Variants in SH3BGRL2 observed in about 807,000 individuals in gnomAD.
The protein encoded by SH3BGRL2 is SH3 domain binding glutamate rich protein like 2.
A neutral mutation model predicts 14.8 loss-of-function variants in SH3BGRL2; 21 were observed. The ratio of observed to expected loss-of-function variants is 1.42; its 90% CI spans 1.01 to 2.05. The LOEUF is 2.05. Among genes scored for constraint, SH3BGRL2 ranks in the 30% most tolerant of loss-of-function variants. The pLI is 0.00. For missense variants in SH3BGRL2, 147 were observed against 130.8 expected (o/e 1.12, Z -0.61); for synonymous variants, 50 against 47.8 (o/e 1.05, Z -0.19).
chr6:79,568,918 G>A, the SH3BGRL2 span, among the ~76,000 whole-genome samples: 3 of 152,054 alleles, frequency 2.0e-5, no homozygotes, highest in Non-Finnish European at 4.4e-5. Context: ...TGCATAATAT[G>A]TGTCAATGGA....
chr6:79,620,636 C>G, the SH3BGRL2 span, among the ~76,000 whole-genome samples: 7 of 150,082 alleles, frequency 4.7e-5, no homozygotes, highest in Non-Finnish European at 7.4e-5. Flanking sequence ...AAGGGGTCCT[C>G]AGAGAGAAAA....
At chr6:79,696,288 C>T (rs1020775118) in intron 2 of SH3BGRL2, among the ~76,000 whole-genome samples, 197 bp from the exon 3 acceptor site, 1 of 152,184 alleles carries the variant, frequency 6.6e-6, no homozygotes, top group African/African-American at 2.4e-5. Flanking sequence ...GGGTTAAAAA[C>T]TTGTTACATT....
intron 1 of SH3BGRL2, among the ~76,000 whole-genome samples, chr6:79,637,462 G>A (rs1768947697): frequency 6.6e-6 from 1 of 152,064 alleles, no homozygotes; most frequent in South Asian, 2.1e-4. Flanking sequence ...GGAGGCTGAG[G>A]CAGGTGGATC....
chr6:79,637,526 C>T (rs1161418775), intron 1 of SH3BGRL2, among the ~76,000 whole-genome samples: 1 of 151,948 alleles, frequency 6.6e-6, no homozygotes. Flanking sequence ...AACCCCATCT[C>T]TACTAAAAAT....
chr6:79,594,542 C>T, the SH3BGRL2 span, among the ~76,000 whole-genome samples: 6 of 151,960 alleles, frequency 3.9e-5, no homozygotes, highest in Non-Finnish European at 8.8e-5. Context: ...TCTGCTTGGG[C>T]GTGGGTGTCA....
the SH3BGRL2 span, among the ~76,000 whole-genome samples, chr6:79,554,579 T>C: frequency 6.6e-6 from 1 of 152,324 alleles, no homozygotes; most frequent in South Asian, 2.1e-4. Context: ...ATCCAGTCAA[T>C]TGGAATGTAA....
At chr6:79,621,794 C>T in the SH3BGRL2 span, among the ~76,000 whole-genome samples, 2 of 152,120 alleles carry the variant, frequency 1.3e-5, no homozygotes, top group African/African-American at 4.8e-5. Context: ...TGCAGATGGC[C>T]ATGTGACCCA....
At chr6:79,696,941 T>G (rs914469075) in intron 3 of SH3BGRL2, among the ~76,000 whole-genome samples, 2 of 152,148 alleles carry the variant, frequency 1.3e-5, no homozygotes, top group Non-Finnish European at 2.9e-5. Context: ...TTAAATTTAC[T>G]TTCATTGGAG....
Position 79,703,157 on chromosome 6 carries a change from T to C in SH3BGRL2, c.*3648T>C, listed in dbSNP as rs996659151. ...CAGGTTTGTTTGTTCATCCTTTCTG[T>C]CAGCATGGATCAAGCCCCTAAAATG... On this transcript the variant is annotated 3_prime_UTR_variant, in exon 4 of 4. Transcript: ENST00000369838. The C allele has an allele frequency of 6.6e-6, 1 of 152,144 alleles. No homozygotes were observed. Among genetic ancestry groups the C allele is most frequent in the African/African-American group, 2.4e-5 (1 of 41,414 alleles). 9.4% of individuals were successfully genotyped at this position (152,144 alleles called of 1,614,324 possible).
At position 79,675,322 on chromosome 6, in the gene SH3BGRL2, G is replaced by A. The variant is rs182208308; in HGVS notation, c.231+1523G>A. Among the ~76,000 whole-genome samples the A allele has an allele frequency of 2.3e-3, 351 of 152,252 alleles. 1 individual carries two copies. Among genetic ancestry groups the A allele is most frequent in the African/African-American group, 8.1e-3 (338 of 41,558 alleles). ...AGTGTCCTCTGGTTTTCGCTGCTAC[G>A]ATTGAGATGTCTAATGCCATTTTCC... is the stretch of plus-strand genomic sequence containing the variant. On this transcript the variant is annotated intron_variant, in intron 2 of 3. Coordinates refer to ENST00000369838, the MANE Select transcript of SH3BGRL2 (RefSeq NM_031469.4).
the SH3BGRL2 span, among the ~76,000 whole-genome samples, chr6:79,583,600 AGCGGGGAACATCACACACCAGG>A: frequency 5.9e-5 from 9 of 152,170 alleles, no homozygotes; most frequent in African/African-American, 2.2e-4. Context: ...TTGGACACAG[AGCGGGGAACATCACACACCAGG>A]GCCTGTAAGG....
chr6:79,585,866 T>C, the SH3BGRL2 span, among the ~76,000 whole-genome samples: 1 of 152,184 alleles, frequency 6.6e-6, no homozygotes, highest in South Asian at 2.1e-4. Flanking sequence ...CAGCTCTGAA[T>C]GCAGCCCAAC....
the SH3BGRL2 span, among the ~76,000 whole-genome samples, chr6:79,610,069 G>C: frequency 6.6e-6 from 1 of 152,118 alleles, no homozygotes; most frequent in Non-Finnish European, 1.5e-5. Flanking sequence ...GTTTACATTC[G>C]CTCCTTCAAA....
chr6:79,668,188 C>T (rs929364308), intron 1 of SH3BGRL2, among the ~76,000 whole-genome samples: 3 of 151,954 alleles, frequency 2.0e-5, no homozygotes, highest in Admixed American at 6.6e-5. Flanking sequence ...GGGATCCTCC[C>T]GGGAAAGAAG....
At chr6:79,644,979 G>C (rs1404903732) in intron 1 of SH3BGRL2, among the ~76,000 whole-genome samples, 5 of 152,066 alleles carry the variant, frequency 3.3e-5, no homozygotes, top group Non-Finnish European at 7.4e-5. Context: ...GGCCAAAGTG[G>C]TGAAACCCTG....
At chr6:79,659,313 T>C (rs1769490565) in intron 1 of SH3BGRL2, among the ~76,000 whole-genome samples, 1 of 152,222 alleles carries the variant, frequency 6.6e-6, no homozygotes, top group East Asian at 1.9e-4. Flanking sequence ...TTAATTTTTG[T>C]ATAAGGTGTA....
chr6:79,673,581 G>C (rs373832978), intron 1 of SH3BGRL2, 33 bp from the exon 2 acceptor site: 7 of 1,599,172 alleles, frequency 4.4e-6, no homozygotes, highest in South Asian at 2.2e-5. Context: ...TCAGATAAGC[G>C]TATCTACTTA....
chr6:79,602,169 T>G, the SH3BGRL2 span, among the ~76,000 whole-genome samples: 1 of 152,334 alleles, frequency 6.6e-6, no homozygotes. Flanking sequence ...TGAGCCAAAT[T>G]GTGTCTGAAA....
At chr6:79,648,279 T>TATATATATATATAA (rs752182712) in intron 1 of SH3BGRL2, among the ~76,000 whole-genome samples, 4,926 of 117,000 alleles carry the variant, frequency 0.042, 236 homozygotes, top group Non-Finnish European at 0.06. Flanking sequence ...TATATATATA[T>TATATATATATATAA]ATATTTGACA....
Sources: allele counts gnomAD v4.1 joint callset (sites outside exome capture counted in the v4.1 genomes callset), GRCh38; gene constraint gnomAD v4.1.1; transcripts MANE v1.5; gene names NCBI Gene and HGNC (gene_info 2026-07-23, HGNC 2026-07-21).